CRB1: variants seen among roughly 807,000 people sequenced by gnomAD.
CRB1 encodes crumbs cell polarity complex component 1.
In CRB1, 83 loss-of-function variants were observed where a neutral mutation model predicts 120.0. The observed-to-expected ratio is 0.69, with a 90% CI of 0.58 to 0.83. CRB1 has a LOEUF of 0.83. Among genes scored for constraint, CRB1 ranks in the 40% least tolerant of loss-of-function variants. The pLI is 0.00. For synonymous variants in CRB1, 625 were observed against 612.5 expected (o/e 1.02, Z -0.30); for missense variants, 1,699 against 1,687.6 (o/e 1.01, Z -0.12).
At chr1:197,273,811 A>G (rs1306313374) in intron 1 of CRB1, among the ~76,000 whole-genome samples, 1 of 151,964 alleles carries the variant, frequency 6.6e-6, no homozygotes. Context: ...TGGCTCTACA[A>G]TCCCTTTCAG....
At chr1:197,390,848 T>TAA (rs992084088) in intron 5 of CRB1, among the ~76,000 whole-genome samples, 2 of 152,106 alleles carry the variant, frequency 1.3e-5, no homozygotes. Context: ...CATTTCCTGT[T>TAA]AAAACTTCCA....
chr1:197,295,467 G>T (rs1656464619), intron 1 of CRB1, among the ~76,000 whole-genome samples: 1 of 152,000 alleles, frequency 6.6e-6, no homozygotes, highest in African/African-American at 2.4e-5. Flanking sequence ...GCTTTGTCTT[G>T]TAGGATATAG....
intron 1 of CRB1, among the ~76,000 whole-genome samples, chr1:197,310,659 A>G (rs1657461648): frequency 6.6e-6 from 1 of 152,226 alleles, no homozygotes; most frequent in South Asian, 2.1e-4. Context: ...ATAGATATAG[A>G]AAATTCAGTG....
At chr1:197,473,743 G>A (rs143493337) in intron 11 of CRB1, among the ~76,000 whole-genome samples, 19 of 151,836 alleles carry the variant, frequency 1.3e-4, no homozygotes, top group African/African-American at 3.9e-4. Flanking sequence ...CTTAAATCTC[G>A]TCCTGCACCT....
chr1:197,290,176 G>T (rs892905569), intron 1 of CRB1, among the ~76,000 whole-genome samples: 2 of 151,266 alleles, frequency 1.3e-5, no homozygotes, highest in African/African-American at 4.9e-5. Context: ...CTGCATCCTG[G>T]TCATATCCCT....
chr1:197,202,799 C>A, the CRB1 span, among the ~76,000 whole-genome samples: 3 of 152,126 alleles, frequency 2.0e-5, no homozygotes, highest in South Asian at 2.1e-4. Flanking sequence ...TTTTACCCAA[C>A]TCTTCAAAAA....
intron 5 of CRB1, among the ~76,000 whole-genome samples, chr1:197,359,937 G>A (rs1048724950): frequency 3.9e-5 from 6 of 152,084 alleles, no homozygotes; most frequent in Non-Finnish European, 8.8e-5. Context: ...CTATTTCCTA[G>A]TTGAGTTGTT....
intron 10 of CRB1, chr1:197,439,282 A>G (rs932527298): frequency 6.3e-6 from 1 of 157,534 alleles, no homozygotes; most frequent in East Asian, 1.9e-4. Context: ...AGCTGCTTAA[A>G]GGGATTTATG....
At chr1:197,237,310 C>G in the CRB1 span, among the ~76,000 whole-genome samples, 2 of 152,118 alleles carry the variant, frequency 1.3e-5, no homozygotes, top group African/African-American at 2.4e-5. Context: ...TCTTACAGTT[C>G]TTGAGGCTGA....
intron 5 of CRB1, among the ~76,000 whole-genome samples, chr1:197,398,654 G>A (rs1208321217): frequency 2.6e-5 from 4 of 152,080 alleles, no homozygotes; most frequent in Non-Finnish European, 4.4e-5. Flanking sequence ...GGAGTCATTC[G>A]GCAAGTCAGC....
At chr1:197,425,723 CTCT>C (rs1304250187) in intron 6 of CRB1, among the ~76,000 whole-genome samples, 2 of 152,100 alleles carry the variant, frequency 1.3e-5, no homozygotes, top group South Asian at 4.1e-4. Flanking sequence ...CTTGGTTCTC[CTCT>C]TATCTTACTG....
rs73069822 is a variant in CRB1, at chr1:197,278,640, C to A, written c.70+10158C>A. Among the ~76,000 whole-genome samples, 1,396 of 151,986 alleles carry A rather than the reference C, an allele frequency of 9.2e-3. 24 individuals are homozygous for A. The highest frequency in any genetic ancestry group is 0.032 in the African/African-American group (1,337 of 41,496). The stretch of plus-strand genomic sequence containing the variant: ...CAGGTCATGTGGCTAAGCTTGACAT[C>A]AATGGACTAAAGTCCATATTCAGGC... On this transcript the variant is annotated intron_variant, in intron 1 of 11. Coordinates refer to ENST00000367400, the MANE Select transcript of CRB1 (RefSeq NM_201253.3).
chr1:197,248,835 A>G, the CRB1 span, among the ~76,000 whole-genome samples: 1 of 151,998 alleles, frequency 6.6e-6, no homozygotes, highest in African/African-American at 2.4e-5. Flanking sequence ...TATTAAAACA[A>G]AATGTGATGA....
chr1:197,362,273 A>C (rs1312426562), intron 5 of CRB1, among the ~76,000 whole-genome samples: 2 of 152,128 alleles, frequency 1.3e-5, no homozygotes, highest in Non-Finnish European at 2.9e-5. Flanking sequence ...CACAGGATAC[A>C]ATCTATCTTG....
the CRB1 span, among the ~76,000 whole-genome samples, chr1:197,258,479 G>T: frequency 6.6e-6 from 1 of 152,054 alleles, no homozygotes; most frequent in African/African-American, 2.4e-5. Flanking sequence ...ATGTTCCATT[G>T]ATATTTCTGT....
the CRB1 span, among the ~76,000 whole-genome samples, chr1:197,221,914 T>A: frequency 2.3e-3 from 347 of 152,302 alleles, 3 homozygotes; most frequent in African/African-American, 8.0e-3. Flanking sequence ...ACCATTTTTT[T>A]AAATTCCTCT....
chr1:197,222,729 A>T, the CRB1 span: 1 of 862,764 alleles, frequency 1.2e-6, no homozygotes, highest in African/African-American at 1.6e-5. Context: ...GAATTCTCTG[A>T]GTAGGAACAA....
At chr1:197,202,519 CAAAAAT>C in the CRB1 span, among the ~76,000 whole-genome samples, 1 of 151,938 alleles carries the variant, frequency 6.6e-6, no homozygotes, top group African/African-American at 2.4e-5. Context: ...AAAAAATTAT[CAAAAAT>C]AACTAAGCAG....
At chr1:197,449,429 C>T (rs1665849659) in intron 11 of CRB1, among the ~76,000 whole-genome samples, 1 of 152,038 alleles carries the variant, frequency 6.6e-6, no homozygotes, top group South Asian at 2.1e-4. Context: ...TGCAGTGGCG[C>T]AATCTCGGCT....
Sources: gnomAD v4.1 joint callset for allele counts (sites outside exome capture counted in the v4.1 genomes callset) on GRCh38, gnomAD v4.1.1 for gene constraint, MANE v1.5 for transcripts, NCBI Gene and HGNC (gene_info 2026-07-23, HGNC 2026-07-21) for gene names.